SETD2: variants seen among roughly 807,000 people sequenced by gnomAD.
The protein encoded by SETD2 is SET domain containing 2, histone lysine methyltransferase.
In SETD2, 31 loss-of-function variants were observed where a neutral mutation model predicts 242.1. That is an observed-to-expected ratio of 0.13 (90% CI 0.10 to 0.17). SETD2 has a LOEUF of 0.17. Among genes scored for constraint, SETD2 ranks in the 10% least tolerant of loss-of-function variants. SETD2 has a pLI of 1.00. For missense variants in SETD2, 2,481 were observed against 3,046.3 expected, an observed-to-expected ratio of 0.81 and a Z score of 4.37; for synonymous variants, 1,006 against 1,066.5, an observed-to-expected ratio of 0.94 and a Z score of 1.11.
chr3:47,078,519 CTTTTTT>C (rs71098448), intron 12 of SETD2, among the ~76,000 whole-genome samples: 4 of 71,278 alleles, frequency 5.6e-5, no homozygotes, highest in African/African-American at 2.4e-4. Context: ...GATTCTCAGC[CTTTTTT>C]TTTTTTTTTT....
At chr3:47,050,017 T>C (rs975260612) in intron 15 of SETD2, among the ~76,000 whole-genome samples, 1 of 146,266 alleles carries the variant, frequency 6.8e-6, no homozygotes, top group African/African-American at 2.5e-5. Context: ...TATATAAACA[T>C]ATATATATAT....
intron 9 of SETD2, among the ~76,000 whole-genome samples, chr3:47,093,097 T>C (rs192268365): frequency 4.8e-4 from 73 of 152,286 alleles, no homozygotes; most frequent in Admixed American, 2.6e-3. Context: ...CTGGGATACA[T>C]GTGCAAGAAC....
intron 6 of SETD2, chr3:47,105,737 T>G: frequency 2.4e-6 from 1 of 423,720 alleles, no homozygotes; most frequent in Non-Finnish European, 4.6e-6. Context: ...ACCCCGTCTC[T>G]ACTAAAAATA....
chr3:47,163,582 G>T, intron 1 of SETD2: 1 of 179,456 alleles, frequency 5.6e-6, no homozygotes, highest in Non-Finnish European at 1.2e-5. Context: ...TAACCGTAGG[G>T]ACCGTGGCCG....
intron 5 of SETD2, among the ~76,000 whole-genome samples, chr3:47,106,529 CA>C (rs2042431636): frequency 9.6e-6 from 1 of 103,708 alleles, no homozygotes; most frequent in African/African-American, 4.8e-5. Flanking sequence ...AAAAAAAAGG[CA>C]GCCGGGCGCA....
intron 18 of SETD2, among the ~76,000 whole-genome samples, chr3:47,030,243 A>T (rs2038703190): frequency 6.6e-6 from 1 of 152,176 alleles, no homozygotes; most frequent in South Asian, 2.1e-4. Flanking sequence ...TAAAACTATT[A>T]AAAAATATGC....
chr3:47,124,216 G>A lies in SETD2; in HGVS notation c.420C>T (p.Gly140=). Residue 140 remains glycine, a synonymous_variant, in exon 3 of 21, where the codon GGC becomes GGT. Coordinates refer to ENST00000409792, the MANE Select transcript of SETD2 (RefSeq NM_014159.7). The part of the protein sequence containing the change: ...SSPPKSRVEL[G]KIHFKKHLLH... ...GCAGATGTTTCTTAAAATGAATTTT[G>A]CCCAATTCCACCCTTGACTTTGGTG... 6.4e-7 allele frequency: 1 copy of A among 1,551,792 alleles called. No homozygotes were observed. The highest frequency in any genetic ancestry group is 1.2e-5 in the South Asian group (1 of 84,068).
chr3:47,163,725 G>C, intron 1 of SETD2, 129 bp downstream of exon 1: 5 of 483,124 alleles, frequency 1.0e-5, no homozygotes, highest in Non-Finnish European at 8.4e-6. Flanking sequence ...TCCCGACACC[G>C]ACCGCGCGAG....
intron 18 of SETD2, among the ~76,000 whole-genome samples, chr3:47,030,807 G>A (rs1351742618): frequency 6.6e-6 from 1 of 152,170 alleles, no homozygotes; most frequent in African/African-American, 2.4e-5. Context: ...GTACATGGAT[G>A]TTTTTAGTAG....
At chr3:47,161,518 C>T (rs977148024) in intron 1 of SETD2, among the ~76,000 whole-genome samples, 2 of 152,100 alleles carry the variant, frequency 1.3e-5, no homozygotes, top group African/African-American at 4.8e-5. Context: ...ATATGCCAAA[C>T]AGGTGATATT....
chr3:47,027,014 C>A (rs1371721421), intron 18 of SETD2, among the ~76,000 whole-genome samples: 1 of 151,834 alleles, frequency 6.6e-6, no homozygotes, highest in African/African-American at 2.4e-5. Context: ...TGTATTATTT[C>A]ATTTACATAA....
intron 1 of SETD2, among the ~76,000 whole-genome samples, chr3:47,142,120 G>T (rs1343493786): frequency 6.6e-6 from 1 of 152,196 alleles, no homozygotes; most frequent in Non-Finnish European, 1.5e-5. Context: ...CTAGTAAAAG[G>T]TTGTAACAGT....
rs539714859 is a variant in SETD2 at position 47,023,753 on chromosome 3, T to C, written c.7351-3913A>G. Among the ~76,000 whole-genome samples, 4 of 152,268 alleles carry C rather than the reference T, an allele frequency of 2.6e-5. No individual in the cohort carries two copies. The East Asian group carries it at 5.8e-4, about 22-fold the overall frequency. ...CTATTTATATAGCATTTACATTGTATTGGGTATTATACGCAACACAGAGGT... is the reference window on the plus strand; with the variant it reads ...CTATTTATATAGCATTTACATTGTACTGGGTATTATACGCAACACAGAGGT... On this transcript the variant is annotated intron_variant, in intron 18 of 20. Transcript: ENST00000409792.
intron 18 of SETD2, among the ~76,000 whole-genome samples, chr3:47,030,705 T>C (rs1355622152): frequency 6.6e-6 from 1 of 152,186 alleles, no homozygotes; most frequent in Non-Finnish European, 1.5e-5. Flanking sequence ...GAAACTATTA[T>C]TAAAAAATGG....
intron 9 of SETD2, among the ~76,000 whole-genome samples, chr3:47,092,282 A>T (rs1317351876): frequency 2.6e-5 from 4 of 152,278 alleles, no homozygotes; most frequent in African/African-American, 7.2e-5. Context: ...GTGCTCAAGC[A>T]TAGCAATCAA....
At chr3:47,160,971 G>C (rs1439479122) in intron 1 of SETD2, among the ~76,000 whole-genome samples, 1 of 152,202 alleles carries the variant, frequency 6.6e-6, no homozygotes, top group Non-Finnish European at 1.5e-5. Flanking sequence ...CTGATTAAAA[G>C]CATGGGTACA....
chr3:47,164,042 G>C lies in SETD2; in HGVS notation c.-118C>G. 1 of 1,209,326 alleles carries C rather than the reference G, an allele frequency of 8.3e-7. No individual in the cohort carries two copies. Among genetic ancestry groups the C allele is most frequent in the Non-Finnish European group, 1.0e-6 (1 of 968,464 alleles). The allele number at this position is 1,209,326 out of a possible 1,614,324, so 74.9% of individuals were successfully genotyped here. A position where few individuals can be genotyped will look rare whatever the true frequency, so the allele number is the denominator to read the frequency against. ...CGGCGGCGGCGGCGGCGGCGGCGGC[G>C]GCAGGGGCGGCCCGCGTCGCTACCT... On this transcript the variant is annotated 5_prime_UTR_variant, in exon 1 of 21. Coordinates refer to ENST00000409792, the MANE Select transcript of SETD2 (RefSeq NM_014159.7). This position sits in a 1 kb window ranked among gnomAD's most constrained non-coding sequence, Gnocchi z 5.4.
At position 47,158,534 on chromosome 3, in the gene SETD2, AAT is replaced by A. The variant is rs554784030; in HGVS notation, c.71+5318_71+5319del. On this transcript the variant is annotated intron_variant, in intron 1 of 20. Coordinates refer to ENST00000409792, the MANE Select transcript of SETD2 (RefSeq NM_014159.7). The stretch of plus-strand genomic sequence containing the variant: ...GATGATCCACTTCCACTTAATGAAT[AAT>A]ATATTTTCACTTCCTTATGATTTTC... Among the ~76,000 whole-genome samples the A allele has an allele frequency of 1.7e-3, 253 of 152,302 alleles. 2 individuals are homozygous for A. The highest frequency in any genetic ancestry group is 5.4e-3 in the African/African-American group (225 of 41,562).
chr3:47,110,217 T>A (rs554855752), intron 5 of SETD2, among the ~76,000 whole-genome samples: 1 of 151,844 alleles, frequency 6.6e-6, no homozygotes, highest in African/African-American at 2.4e-5. Context: ...CGAGAATAGA[T>A]CAACCCACAG....
Sources: allele counts gnomAD v4.1 joint callset (sites outside exome capture counted in the v4.1 genomes callset), GRCh38; gene constraint gnomAD v4.1.1; non-coding constraint Gnocchi (gnomAD v3.1); transcripts MANE v1.5; gene names NCBI Gene and HGNC (gene_info 2026-07-23, HGNC 2026-07-21).